The following CCDC149 variants were observed in gnomAD, a reference collection of about 807,000 sequenced individuals.
CCDC149 encodes the protein coiled-coil domain containing 149, also known as coiled-coil domain-containing protein 149.
A neutral mutation model predicts 59.9 loss-of-function variants in CCDC149; 45 were observed. That is an observed-to-expected ratio of 0.75 (90% CI 0.59 to 0.96). The LOEUF (loss-of-function observed/expected upper bound fraction) is 0.96. Ranked by LOEUF, CCDC149 falls within the 40% of genes least tolerant of loss-of-function variation. The pLI is 0.00. For synonymous variants in CCDC149, 245 were observed against 260.6 expected, an observed-to-expected ratio of 0.94 and a Z score of 0.58; for missense variants, 584 against 664.7, an observed-to-expected ratio of 0.88 and a Z score of 1.33.
intron 1 of CCDC149, among the ~76,000 whole-genome samples, chr4:24,880,675 G>T (rs1164739208): frequency 6.6e-6 from 1 of 152,140 alleles, no homozygotes; most frequent in Admixed American, 6.5e-5. Context: ...CAAATATAAG[G>T]CTGGGGCATT....
rs1715477332 is a variant in CCDC149, at chr4:24,822,545, C to G, written c.994G>C (p.Glu332Gln). 2.0e-6 allele frequency: 3 copies of G among 1,532,112 alleles called. No individual in the cohort carries two copies. The highest frequency in any genetic ancestry group is 2.6e-6 in the Non-Finnish European group (3 of 1,138,612). The allele number at this position is 1,532,112 out of a possible 1,614,324, so 94.9% of individuals were successfully genotyped here. A position where few individuals can be genotyped will look rare whatever the true frequency, so the allele number is the denominator to read the frequency against. ...ACTTCCAGAGTTCTTAATTTTTTTT[C>G]CAGCTCAGCCACCCGATTCCCTAGG... is the stretch of plus-strand genomic sequence containing the variant. Residue 332 changes from glutamate to glutamine, a missense_variant, in exon 10 of 13, where the codon GAA becomes CAA. Coordinates refer to ENST00000635206, the MANE Select transcript of CCDC149 (RefSeq NM_001330643.2).
chr4:24,938,803 C>T (rs1333778416), intron 1 of CCDC149, among the ~76,000 whole-genome samples: 1 of 152,214 alleles, frequency 6.6e-6, no homozygotes, highest in Non-Finnish European at 1.5e-5. Flanking sequence ...ATTGTTAGCA[C>T]AGCAGTCTGA....
At chr4:24,818,210 T>G (rs967813154) in intron 12 of CCDC149, among the ~76,000 whole-genome samples, 1 of 152,068 alleles carries the variant, frequency 6.6e-6, no homozygotes, top group Admixed American at 6.6e-5. Context: ...CAGTGGTTGA[T>G]GGCTCCAAGG....
intron 1 of CCDC149, among the ~76,000 whole-genome samples, chr4:24,970,376 C>A (rs529222373): frequency 1.3e-5 from 2 of 152,294 alleles, no homozygotes. Flanking sequence ...ATGCCTGGAA[C>A]GCAATGCAGC....
chr4:24,808,269 T>G lies in CCDC149; in HGVS notation c.*120A>C, dbSNP rs1714340108. On this transcript the variant is annotated 3_prime_UTR_variant, in exon 13 of 13. Transcript: ENST00000635206. The stretch of plus-strand genomic sequence containing the variant: ...AGTTTGCAACAGGATCAGTGCGTTT[T>G]CTCACTTGCAGACTCGGAGGTATTT... 1 of 879,306 alleles carries G rather than the reference T, an allele frequency of 1.1e-6. No individual in the cohort carries two copies. The highest frequency in any genetic ancestry group is 2.9e-5 in the South Asian group (1 of 34,458). The allele number at this position is 879,306 out of a possible 1,614,324, so 54.5% of individuals were successfully genotyped here.
At chr4:24,823,306 G>A (rs1004749317) in intron 9 of CCDC149, among the ~76,000 whole-genome samples, 1 of 152,190 alleles carries the variant, frequency 6.6e-6, no homozygotes, top group Non-Finnish European at 1.5e-5. Flanking sequence ...TCTAGAAAGT[G>A]TGTATTTGAA....
rs189981026 is a variant in CCDC149, at chr4:24,969,337, C to G, written c.-65+10732G>C. Among the ~76,000 whole-genome samples the G allele has an allele frequency of 2.0e-5, 3 of 152,296 alleles. No homozygotes were observed. In the South Asian group the frequency reaches 6.2e-4, roughly 32 times the overall value. Reference sequence around the variant, plus strand: ...CATCTACCCTTGCAGGGTGGCCAACCAACAGAACACCATCTGGGCCCTGCA... The same window carrying G: ...CATCTACCCTTGCAGGGTGGCCAACGAACAGAACACCATCTGGGCCCTGCA... On this transcript the variant is annotated intron_variant, in intron 1 of 12. Transcript: ENST00000389609.
intron 12 of CCDC149, among the ~76,000 whole-genome samples, chr4:24,818,227 G>T (rs372348408): frequency 6.6e-5 from 10 of 152,252 alleles, no homozygotes; most frequent in Admixed American, 2.0e-4. Context: ...AAGGTTTTGA[G>T]CCTGAGAAGC....
chr4:24,835,803 T>G (rs16876196), intron 7 of CCDC149, among the ~76,000 whole-genome samples: 14,303 of 152,006 alleles, frequency 0.094, 800 homozygotes, highest in African/African-American at 0.15. Flanking sequence ...CTGTAAAACT[T>G]CACCCTCAGG....
chr4:24,911,979 G>A (rs186412866), intron 1 of CCDC149, among the ~76,000 whole-genome samples: 29 of 152,350 alleles, frequency 1.9e-4, no homozygotes, highest in Non-Finnish European at 4.0e-4. Context: ...AGTAACACCA[G>A]GAATTGCCCC....
rs560675869 is a variant in CCDC149 at position 24,885,592 on chromosome 4, T to C, written c.64-8895A>G. ...CACATCAGTGGGCGAGTGGGTCACATGGCTGCCCAAACACACTCCAAAGGG... is the reference window on the plus strand; with the variant it reads ...CACATCAGTGGGCGAGTGGGTCACACGGCTGCCCAAACACACTCCAAAGGG... On this transcript the variant is annotated intron_variant, in intron 1 of 12. Coordinates refer to ENST00000635206, the MANE Select transcript of CCDC149 (RefSeq NM_001330643.2). 7.9e-5 allele frequency among the ~76,000 whole-genome samples: 12 copies of C among 152,264 alleles called. No individual in the cohort carries two copies. In the East Asian group the frequency reaches 2.1e-3, roughly 27 times the overall value.
chr4:24,843,749 A>G, intron 4 of CCDC149, among the ~76,000 whole-genome samples: 1 of 152,162 alleles, frequency 6.6e-6, no homozygotes, highest in South Asian at 2.1e-4. Flanking sequence ...GCAGTGTGCT[A>G]GCAGCTTTCC....
intron 12 of CCDC149, 72 bp downstream of exon 12, chr4:24,819,787 C>T (rs114860938): frequency 7.1e-5 from 74 of 1,039,182 alleles, no homozygotes; most frequent in South Asian, 6.2e-4. Context: ...GGGAAGAGAC[C>T]GATGTCCATT....
chr4:24,966,027 T>C (rs1049135146), intron 1 of CCDC149, among the ~76,000 whole-genome samples: 1 of 152,182 alleles, frequency 6.6e-6, no homozygotes, highest in Admixed American at 6.5e-5. Context: ...ATGTCAAAAC[T>C]GTCTACGATT....
chr4:24,958,559 A>G (rs1251342432), intron 1 of CCDC149, among the ~76,000 whole-genome samples: 1 of 152,240 alleles, frequency 6.6e-6, no homozygotes, highest in East Asian at 1.9e-4. Flanking sequence ...AAAAGTCATT[A>G]TAATCATTTT....
chr4:24,832,874 G>C (rs1034638582), intron 8 of CCDC149, among the ~76,000 whole-genome samples: 2 of 152,152 alleles, frequency 1.3e-5, no homozygotes, highest in African/African-American at 4.8e-5. Flanking sequence ...TTTCACATGT[G>C]ATGCTGTTAC....
At chr4:24,928,248 G>T (rs1451430200) in intron 1 of CCDC149, among the ~76,000 whole-genome samples, 1 of 152,200 alleles carries the variant, frequency 6.6e-6, no homozygotes, top group Admixed American at 6.5e-5. Context: ...TGTGTGCAAA[G>T]CAACATGCTC....
At chr4:24,912,240 G>A (rs1254305839) in intron 1 of CCDC149, among the ~76,000 whole-genome samples, 1 of 152,220 alleles carries the variant, frequency 6.6e-6, no homozygotes, top group Non-Finnish European at 1.5e-5. Flanking sequence ...CTGCACCTGT[G>A]TTTCACTTTT....
Position 24,912,934 on chromosome 4 carries a change from C to G in CCDC149, c.-55G>C. The G allele has an allele frequency of 9.4e-7, 1 of 1,065,392 alleles. No individual in the cohort carries two copies. The highest frequency in any genetic ancestry group is 1.2e-6 in the Non-Finnish European group (1 of 826,116). 66.0% of individuals were successfully genotyped at this position (1,065,392 alleles called of 1,614,324 possible). A position where few individuals can be genotyped will look rare whatever the true frequency, so the allele number is the denominator to read the frequency against. On this transcript the variant is annotated 5_prime_UTR_variant, in exon 1 of 13. Coordinates refer to ENST00000635206, the MANE Select transcript of CCDC149 (RefSeq NM_001330643.2). ...CCTCCTCCTCCTCGCGACGTCGCGT[C>G]GCCGCCGCCGCCCGGGCCCCGCGCG...
Sources: gnomAD v4.1 joint callset for allele counts (sites outside exome capture counted in the v4.1 genomes callset) on GRCh38, gnomAD v4.1.1 for gene constraint, MANE v1.5 for transcripts, NCBI Gene and HGNC (gene_info 2026-07-23, HGNC 2026-07-21) for gene names.